Variants in ARB2A observed in about 807,000 individuals in gnomAD.
The protein encoded by ARB2A is ARB2 cotranscriptional regulator A, also known as cotranscriptional regulator ARB2A.
At chr5:93,926,206 C>T in the ARB2A span, among the ~76,000 whole-genome samples, 2 of 151,728 alleles carry the variant, frequency 1.3e-5, no homozygotes, top group South Asian at 2.1e-4. Flanking sequence ...CTCGGCTCAC[C>T]GCAACCTCTG....
chr5:93,656,188 A>C, the ARB2A span, among the ~76,000 whole-genome samples: 1 of 152,230 alleles, frequency 6.6e-6, no homozygotes, highest in Non-Finnish European at 1.5e-5. Context: ...ATTTTCTGAG[A>C]TAAGTAGTTA....
At chr5:93,810,000 A>G in the ARB2A span, among the ~76,000 whole-genome samples, 1 of 152,102 alleles carries the variant, frequency 6.6e-6, no homozygotes, top group Non-Finnish European at 1.5e-5. Context: ...ATTTTTTGAG[A>G]TCAATTGTAC....
chr5:93,805,918 T>G, the ARB2A span: 3 of 984,996 alleles, frequency 3.0e-6, no homozygotes, highest in African/African-American at 5.2e-5. Flanking sequence ...TGATCATGAG[T>G]TGCTGTGAAA....
chr5:93,961,645 C>T, the ARB2A span, among the ~76,000 whole-genome samples: 1 of 151,642 alleles, frequency 6.6e-6, no homozygotes, highest in Non-Finnish European at 1.5e-5. Context: ...GACTGCACCA[C>T]AGCACTTAGC....
the ARB2A span, among the ~76,000 whole-genome samples, chr5:93,674,460 CA>C: frequency 6.6e-6 from 1 of 152,044 alleles, no homozygotes; most frequent in Admixed American, 6.6e-5. Context: ...CAGGCACACA[CA>C]AAAAAGAATA....
the ARB2A span, among the ~76,000 whole-genome samples, chr5:93,953,066 G>T: frequency 1.3e-5 from 2 of 152,090 alleles, no homozygotes; most frequent in African/African-American, 2.4e-5. Context: ...GTTAGCTTGA[G>T]TTTATTTAAG....
chr5:93,816,037 G>A, the ARB2A span, among the ~76,000 whole-genome samples: 1 of 152,304 alleles, frequency 6.6e-6, no homozygotes, highest in East Asian at 1.9e-4. Context: ...CAAAGATCAA[G>A]TATGCTTTGA....
chr5:93,836,602 TAAATA>T, the ARB2A span, among the ~76,000 whole-genome samples: 1 of 152,234 alleles, frequency 6.6e-6, no homozygotes, highest in East Asian at 1.9e-4. Flanking sequence ...TTTATCCAAT[TAAATA>T]ATTTAGATTA....
chr5:94,056,608 G>C, the ARB2A span, among the ~76,000 whole-genome samples: 1 of 152,080 alleles, frequency 6.6e-6, no homozygotes, highest in African/African-American at 2.4e-5. Flanking sequence ...TGGCTCTAGT[G>C]GTTAAAGTGA....
the ARB2A span, among the ~76,000 whole-genome samples, chr5:93,889,251 C>T: frequency 6.6e-6 from 1 of 151,674 alleles, no homozygotes; most frequent in Admixed American, 6.6e-5. Flanking sequence ...TACTCTGTAA[C>T]AATGAAAATG....
chr5:93,864,224 G>T, the ARB2A span, among the ~76,000 whole-genome samples: 1 of 152,132 alleles, frequency 6.6e-6, no homozygotes, highest in Non-Finnish European at 1.5e-5. Flanking sequence ...AAAAGGTTAA[G>T]TGCAATTATT....
At chr5:93,943,965 C>T in the ARB2A span, among the ~76,000 whole-genome samples, 1 of 152,080 alleles carries the variant, frequency 6.6e-6, no homozygotes, top group African/African-American at 2.4e-5. Flanking sequence ...AACTAAAAAA[C>T]TCTAACTCAA....
chr5:93,762,834 C>G, the ARB2A span, among the ~76,000 whole-genome samples: 2 of 152,210 alleles, frequency 1.3e-5, no homozygotes, highest in Non-Finnish European at 2.9e-5. Context: ...GGAAGCCCAT[C>G]AGACTAACAG....
the ARB2A span, among the ~76,000 whole-genome samples, chr5:93,855,730 CT>C: frequency 6.6e-6 from 1 of 152,104 alleles, no homozygotes; most frequent in South Asian, 2.1e-4. Context: ...CTTAGTTTGG[CT>C]GGATATTAAA....
chr5:93,707,263 A>T, the ARB2A span, among the ~76,000 whole-genome samples: 13 of 152,302 alleles, frequency 8.5e-5, no homozygotes, highest in Non-Finnish European at 1.9e-4. Context: ...ACTTTTTTGT[A>T]TTTACTTTTC....
At chr5:93,653,554 A>AAAAAAAAAAAAAAAAAAAAAAC in the ARB2A span, among the ~76,000 whole-genome samples, 1 of 129,894 alleles carries the variant, frequency 7.7e-6, no homozygotes, top group Admixed American at 7.7e-5. Flanking sequence ...AAAAAAAAAA[A>AAAAAAAAAAAAAAAAAAAAAAC]AAGACATTAA....
At chr5:93,906,419 C>T in the ARB2A span, among the ~76,000 whole-genome samples, 1 of 151,114 alleles carries the variant, frequency 6.6e-6, no homozygotes, top group Admixed American at 6.6e-5. Context: ...TGGGCAAATC[C>T]CTTAAAATAC....
chr5:93,922,494 C>T, the ARB2A span, among the ~76,000 whole-genome samples: 1 of 150,528 alleles, frequency 6.6e-6, no homozygotes, highest in Non-Finnish European at 1.5e-5. Flanking sequence ...CATGGTGAAA[C>T]CCCATCTCTA....
At chr5:93,951,842 T>C in the ARB2A span, among the ~76,000 whole-genome samples, 1 of 152,124 alleles carries the variant, frequency 6.6e-6, no homozygotes, top group African/African-American at 2.4e-5. Context: ...CGTAGGTACA[T>C]ACAAAAATTA....
Sources: allele counts gnomAD v4.1 joint callset (sites outside exome capture counted in the v4.1 genomes callset), GRCh38; gene constraint gnomAD v4.1.1; transcripts MANE v1.5; gene names NCBI Gene and HGNC (gene_info 2026-07-23, HGNC 2026-07-21).